The following WDR72 variants were observed in gnomAD, a reference collection of about 807,000 sequenced individuals.
WDR72 encodes WD repeat-containing protein 72.
WDR72 carries 120 observed loss-of-function variants against 124.2 expected under a neutral mutation model. The observed-to-expected ratio is 0.97, with a 90% CI of 0.83 to 1.12. The LOEUF is 1.12. Ranked by LOEUF, WDR72 falls within the 50% of genes most tolerant of loss-of-function variation. The pLI is 0.00. For missense variants in WDR72, 1,387 were observed against 1,278.8 expected (o/e 1.08, Z -1.29); for synonymous variants, 452 against 441.7 (o/e 1.02, Z -0.29).
intron 19 of WDR72, among the ~76,000 whole-genome samples, chr15:53,518,870 T>C (rs898484748): frequency 6.6e-6 from 1 of 152,008 alleles, no homozygotes; most frequent in Non-Finnish European, 1.5e-5. Context: ...TAATATTGAT[T>C]GACAATGATG....
chr15:53,546,851 G>A (rs1366010568), intron 18 of WDR72, among the ~76,000 whole-genome samples: 1 of 152,134 alleles, frequency 6.6e-6, no homozygotes, highest in Non-Finnish European at 1.5e-5. Flanking sequence ...AGTCTTAAGC[G>A]ATTATAATGC....
chr15:53,737,798 T>C (rs2018399656), intron 1 of WDR72, among the ~76,000 whole-genome samples: 2 of 152,160 alleles, frequency 1.3e-5, no homozygotes, highest in African/African-American at 4.8e-5. Flanking sequence ...TAATTTGTAT[T>C]AGTAACATCA....
intron 15 of WDR72, among the ~76,000 whole-genome samples, chr15:53,614,478 T>A (rs2013677093): frequency 6.6e-6 from 1 of 152,110 alleles, no homozygotes. Flanking sequence ...ACCTTCATTC[T>A]ATAATTTGTT....
chr15:53,704,519 T>G (rs1356003577), intron 11 of WDR72, among the ~76,000 whole-genome samples: 5 of 151,302 alleles, frequency 3.3e-5, no homozygotes, highest in South Asian at 2.1e-4. Context: ...GTTTTTTTTG[T>G]TTTTGGTTTT....
chr15:53,531,702 A>C (rs1303854510), intron 18 of WDR72, among the ~76,000 whole-genome samples: 1 of 152,114 alleles, frequency 6.6e-6, no homozygotes, highest in Non-Finnish European at 1.5e-5. Flanking sequence ...AGTAAATATA[A>C]TCTAATGATA....
At chr15:53,680,226 T>C (rs2016332004) in intron 13 of WDR72, among the ~76,000 whole-genome samples, 1 of 152,188 alleles carries the variant, frequency 6.6e-6, no homozygotes, top group Non-Finnish European at 1.5e-5. Flanking sequence ...TAGCTCCTAT[T>C]TATATCTATA....
At chr15:53,528,640 G>A (rs1006325709) in intron 18 of WDR72, among the ~76,000 whole-genome samples, 4 of 151,948 alleles carry the variant, frequency 2.6e-5, no homozygotes, top group African/African-American at 9.7e-5. Context: ...TTATTACCTA[G>A]ATGTAGAGAA....
At chr15:53,548,809 C>T (rs1020669212) in intron 18 of WDR72, among the ~76,000 whole-genome samples, 3 of 152,102 alleles carry the variant, frequency 2.0e-5, no homozygotes, top group African/African-American at 7.2e-5. Flanking sequence ...TAAATCACAG[C>T]AGTTACAGGA....
chr15:53,679,717 T>G (rs1265008685), intron 13 of WDR72, among the ~76,000 whole-genome samples: 1 of 151,824 alleles, frequency 6.6e-6, no homozygotes, highest in Non-Finnish European at 1.5e-5. Flanking sequence ...AGATATAGAG[T>G]GGAGATGGCA....
intron 18 of WDR72, among the ~76,000 whole-genome samples, chr15:53,595,786 C>T (rs897531788): frequency 2.6e-5 from 4 of 152,058 alleles, no homozygotes; most frequent in African/African-American, 4.8e-5. Flanking sequence ...ACTATAATTA[C>T]GTGATATGAT....
chr15:53,582,272 T>C (rs958922427), intron 18 of WDR72, among the ~76,000 whole-genome samples: 2 of 151,978 alleles, frequency 1.3e-5, no homozygotes, highest in African/African-American at 4.8e-5. Context: ...TTAAATCCAG[T>C]TCTGTAATGG....
chr15:53,710,358 C>G (rs1441267435), intron 9 of WDR72, among the ~76,000 whole-genome samples: 1 of 147,826 alleles, frequency 6.8e-6, no homozygotes, highest in Non-Finnish European at 1.5e-5. Flanking sequence ...TACGTATACA[C>G]ACACACACAC....
In WDR72 at chr15:53,615,552, G is replaced by A. The variant is rs1196348749; in HGVS notation, c.2654C>T (p.Pro885Leu). Reference sequence around the variant, plus strand: ...ATCACAATTATTTTCCAATCCTCTTGGAATTCCAACCTGATTTGGAAGAGT... The same window carrying A: ...ATCACAATTATTTTCCAATCCTCTTAGAATTCCAACCTGATTTGGAAGAGT... ...TATLPNQVGIPRGLENNCDSL... is the reference protein window; with the variant it reads ...TATLPNQVGILRGLENNCDSL... The change falls in exon 15 of 20, where the codon CCA becomes CTA. Residue 885 changes from proline to leucine, a missense_variant. Coordinates refer to ENST00000360509, the MANE Select transcript of WDR72 (RefSeq NM_182758.4). The A allele has an allele frequency of 1.6e-5, 26 of 1,612,820 alleles. No individual in the cohort carries two copies. The highest frequency in any genetic ancestry group is 2.0e-5 in the Non-Finnish European group (24 of 1,179,382).
intron 13 of WDR72, among the ~76,000 whole-genome samples, chr15:53,669,143 T>TGTA (rs1424022909): frequency 1.3e-5 from 2 of 152,080 alleles, no homozygotes; most frequent in Non-Finnish European, 2.9e-5. Context: ...TACAGCTGTC[T>TGTA]GTAGTACATG....
intron 1 of WDR72, among the ~76,000 whole-genome samples, chr15:53,738,747 C>G (rs1313168565): frequency 6.6e-6 from 1 of 152,164 alleles, no homozygotes; most frequent in Admixed American, 6.5e-5. Context: ...ACTGGGATTA[C>G]AGGCACCCAC....
At chr15:53,662,835 C>T (rs2015651238) in intron 14 of WDR72, among the ~76,000 whole-genome samples, 1 of 152,010 alleles carries the variant, frequency 6.6e-6, no homozygotes, top group African/African-American at 2.4e-5. Flanking sequence ...GAGGCTGAGG[C>T]AGGAGGATCA....
intron 14 of WDR72, among the ~76,000 whole-genome samples, chr15:53,630,154 G>T (rs1041962989): frequency 1.3e-5 from 2 of 152,072 alleles, no homozygotes; most frequent in African/African-American, 4.8e-5. Context: ...ACCAAAACTG[G>T]CATAAGAAGA....
rs1566935486 is a variant in WDR72 at position 53,515,800 on chromosome 15, C to G, written c.*1899G>C. 6.6e-6 allele frequency: 1 copy of G among 152,008 alleles called. No homozygotes were observed. The allele number at this position is 152,008 out of a possible 1,614,324, so 9.4% of individuals were successfully genotyped here. A position where few individuals can be genotyped will look rare whatever the true frequency, so the allele number is the denominator to read the frequency against. ...ATGCTAAGTATGGCAACTATTAAAA[C>G]CTATTGTTATTCTTGTTTCTAAAAG... is the stretch of plus-strand genomic sequence containing the variant. On this transcript the variant is annotated 3_prime_UTR_variant, in exon 20 of 20. Coordinates refer to ENST00000360509, the MANE Select transcript of WDR72 (RefSeq NM_182758.4).
At chr15:53,662,406 A>G (rs578145077) in intron 14 of WDR72, among the ~76,000 whole-genome samples, 6 of 152,316 alleles carry the variant, frequency 3.9e-5, no homozygotes, top group Admixed American at 3.9e-4. Flanking sequence ...ACAATAAAAA[A>G]GAAATACAGC....
Sources: allele counts gnomAD v4.1 joint callset (sites outside exome capture counted in the v4.1 genomes callset), GRCh38; gene constraint gnomAD v4.1.1; transcripts MANE v1.5; gene names NCBI Gene and HGNC (gene_info 2026-07-23, HGNC 2026-07-21).